Variants in IGF2R observed in about 807,000 individuals in gnomAD.
The protein encoded by IGF2R is insulin like growth factor 2 receptor, also known as cation-independent mannose-6-phosphate receptor.
A neutral mutation model predicts 270.6 loss-of-function variants in IGF2R; 91 were observed. The ratio of observed to expected loss-of-function variants is 0.34; its 90% CI spans 0.28 to 0.40. IGF2R has a LOEUF of 0.40. Among genes scored for constraint, IGF2R ranks in the 10% least tolerant of loss-of-function variants. The pLI, the probability that IGF2R is intolerant of heterozygous loss-of-function variation, is 1.00. For synonymous variants in IGF2R, 1,316 were observed against 1,258.9 expected, an observed-to-expected ratio of 1.05 and a Z score of -0.96; for missense variants, 2,805 against 3,188.3, an observed-to-expected ratio of 0.88 and a Z score of 2.90.
chr6:160,055,077 C>T (rs1308376168), intron 19 of IGF2R, among the ~76,000 whole-genome samples: 2 of 152,084 alleles, frequency 1.3e-5, no homozygotes, highest in South Asian at 2.1e-4. Flanking sequence ...ATGCTCTCTG[C>T]GGGAGGTGTT....
intron 2 of IGF2R, among the ~76,000 whole-genome samples, chr6:159,992,637 C>CAAA (rs1562335355): frequency 2.0e-5 from 3 of 151,830 alleles, no homozygotes; most frequent in Non-Finnish European, 2.9e-5. Flanking sequence ...CACAAACACA[C>CAAA]ACCACATTTT....
At chr6:159,970,171 C>T (rs1396964178) in intron 1 of IGF2R, among the ~76,000 whole-genome samples, 1 of 152,132 alleles carries the variant, frequency 6.6e-6, no homozygotes, top group African/African-American at 2.4e-5. Flanking sequence ...GGCTGTTCAC[C>T]TCGCGCAACT....
At chr6:160,082,600 G>A (rs1472092411) in intron 39 of IGF2R, among the ~76,000 whole-genome samples, 4 of 151,462 alleles carry the variant, frequency 2.6e-5, no homozygotes, top group Admixed American at 1.3e-4. Context: ...GTGAGCCACC[G>A]CGCCCAGCTA....
chr6:160,090,143 C>T (rs1448702742), intron 44 of IGF2R, 40 bp downstream of exon 44: 6 of 1,394,912 alleles, frequency 4.3e-6, no homozygotes, highest in Non-Finnish European at 5.7e-6. Flanking sequence ...ATTTAACTTC[C>T]TCCAAGGAAG....
Position 160,045,825 on chromosome 6 carries a change from G to A in IGF2R, c.1846G>A (p.Ala616Thr). The change falls in exon 14 of 48, where the codon GCC becomes ACC. Residue 616 changes from alanine (A) to threonine (T), a missense_variant. By Grantham distance (58) the Ala-to-Thr change is moderately conservative (BLOSUM62 0). Coordinates refer to ENST00000356956, the MANE Select transcript of IGF2R (RefSeq NM_000876.4). Reference sequence around the variant, plus strand: ...TGAGTTTGAGTGGCACACAGCTGCGGCCTGTGTGCTGTCTAAGACAGAAGG... The same window carrying A: ...TGAGTTTGAGTGGCACACAGCTGCGACCTGTGTGCTGTCTAAGACAGAAGG... The part of the protein sequence containing the change: ...FYEFEWHTAA[A>T]CVLSKTEGEN... 6.2e-7 allele frequency: 1 copy of A among 1,612,444 alleles called. No homozygotes were observed. The highest frequency in any genetic ancestry group is 8.5e-7 in the Non-Finnish European group (1 of 1,178,990).
At chr6:160,064,662 A>G in intron 28 of IGF2R, 131 bp downstream of exon 28, 1 of 1,172,286 alleles carries the variant, frequency 8.5e-7, no homozygotes. Context: ...AACCATTTAC[A>G]GAAAATATGT....
chr6:160,077,828 C>G (rs1400441256), intron 36 of IGF2R, among the ~76,000 whole-genome samples: 1 of 152,226 alleles, frequency 6.6e-6, no homozygotes, highest in Admixed American at 6.5e-5. Context: ...GAATAAATGT[C>G]TCCCGTGTCT....
At chr6:159,995,245 GT>G (rs1420610634) in intron 2 of IGF2R, among the ~76,000 whole-genome samples, 1 of 150,260 alleles carries the variant, frequency 6.7e-6, no homozygotes, top group Non-Finnish European at 1.5e-5. Flanking sequence ...TTATCTAAAT[GT>G]TGCTTCTCCC....
intron 31 of IGF2R, among the ~76,000 whole-genome samples, chr6:160,071,280 A>AG (rs1394234420): frequency 4.8e-5 from 5 of 103,630 alleles, no homozygotes; most frequent in African/African-American, 2.2e-4. Context: ...CTGGGAGGGA[A>AG]GGGTGGGGGT....
chr6:159,975,918 A>G (rs1783687342), intron 1 of IGF2R, among the ~76,000 whole-genome samples: 1 of 151,646 alleles, frequency 6.6e-6, no homozygotes, highest in Non-Finnish European at 1.5e-5. Flanking sequence ...ATATGCTTAC[A>G]GCTCTGTTTT....
Position 159,998,916 on chromosome 6 carries a change from AC to A in IGF2R, c.289+7596del, listed in dbSNP as rs1784089147. Among the ~76,000 whole-genome samples the A allele has an allele frequency of 1.3e-5, 2 of 152,216 alleles. No individual in the cohort carries two copies. The highest frequency in any genetic ancestry group is 4.1e-4 in the South Asian group (2 of 4,834). On this transcript the variant is annotated intron_variant, in intron 2 of 47. Coordinates refer to ENST00000356956, the MANE Select transcript of IGF2R (RefSeq NM_000876.4). This position sits in a 1 kb window ranked among gnomAD's most constrained non-coding sequence, Gnocchi z 4.1. ...AATATCTCATTTAATTCATTCAACA[AC>A]CCTTTAAAGTAGGTGATTTCATTTC...
intron 5 of IGF2R, among the ~76,000 whole-genome samples, chr6:160,025,581 G>A (rs183388682): frequency 6.7e-4 from 102 of 152,250 alleles, no homozygotes; most frequent in African/African-American, 2.0e-3. Flanking sequence ...TATACATTAT[G>A]TACTATCTTG....
At chr6:160,025,858 C>T (rs958529785) in intron 5 of IGF2R, among the ~76,000 whole-genome samples, 1 of 152,124 alleles carries the variant, frequency 6.6e-6, no homozygotes, top group Non-Finnish European at 1.5e-5. Context: ...ATTTGGAAAA[C>T]ATTTAGGTTT....
chr6:160,011,279 A>G (rs1359762289), intron 4 of IGF2R, among the ~76,000 whole-genome samples: 1 of 152,164 alleles, frequency 6.6e-6, no homozygotes, highest in Non-Finnish European at 1.5e-5. Flanking sequence ...TCTGGCTGCA[A>G]TGTGAGTCCA....
chr6:160,063,741 TA>T (rs112146659), intron 27 of IGF2R, 111 bp downstream of exon 27: 149,305 of 587,232 alleles, frequency 0.25, 70 homozygotes, highest in South Asian at 0.33. Context: ...TGTTCTACTG[TA>T]AAAAAAAAAA....
chr6:160,095,195 G>T (rs550462289), intron 44 of IGF2R: 8 of 152,314 alleles, frequency 5.3e-5, no homozygotes, highest in Non-Finnish European at 1.2e-4. Context: ...CTGCAGATTT[G>T]CTTAGTCTTG....
rs201995036 is a variant in IGF2R, at chr6:160,104,772, C to G, written c.7164C>G (p.Asn2388Lys). The change falls in exon 48 of 48, where the codon AAC becomes AAG. Residue 2388 changes from asparagine (N) to lysine (K), a missense_variant. Asn to Lys is a moderately conservative substitution (Grantham distance 94). Transcript: ENST00000356956. ...GGCAGGGAAAGGAAGGGCAGGAGAA[C>G]GGCCATATTACCACCAAGTCAGTGA... Reference protein sequence around the residue: ...PPRQGKEGQENGHITTKSVKA... With the variant: ...PPRQGKEGQEKGHITTKSVKA... 6.2e-7 allele frequency: 1 copy of G among 1,614,010 alleles called. No homozygotes were observed. Among genetic ancestry groups the G allele is most frequent in the Admixed American group, 1.7e-5 (1 of 60,002 alleles).
intron 9 of IGF2R, 127 bp from the exon 10 acceptor site, chr6:160,034,292 T>A: frequency 1.7e-6 from 1 of 575,998 alleles, no homozygotes; most frequent in Non-Finnish European, 3.2e-6. Flanking sequence ...GCTAGAGAGC[T>A]TGCTGTTTTA....
At chr6:160,053,874 T>C (rs1401200076) in intron 19 of IGF2R, among the ~76,000 whole-genome samples, 1 of 152,142 alleles carries the variant, frequency 6.6e-6, no homozygotes, top group Non-Finnish European at 1.5e-5. Context: ...CCTGTAGTTA[T>C]CAAAATGGTT....
Sources: allele counts gnomAD v4.1 joint callset (sites outside exome capture counted in the v4.1 genomes callset), GRCh38; gene constraint gnomAD v4.1.1; non-coding constraint Gnocchi (gnomAD v3.1); transcripts MANE v1.5; gene names NCBI Gene and HGNC (gene_info 2026-07-23, HGNC 2026-07-21).